Variants in ACSL4 observed in about 807,000 individuals in gnomAD.
ACSL4 encodes the protein acyl-CoA synthetase long chain family member 4, also known as long-chain-fatty-acid--CoA ligase 4.
In ACSL4, 9 loss-of-function variants were observed where a neutral mutation model predicts 49.1. The ratio of observed to expected loss-of-function variants is 0.18; its 90% CI spans 0.11 to 0.32. The LOEUF (loss-of-function observed/expected upper bound fraction) is 0.32, where lower values mean the gene tolerates loss of function less well. Among genes scored for constraint, ACSL4 ranks in the 10% least tolerant of loss-of-function variants. ACSL4 has a pLI of 1.00. For missense variants in ACSL4, 333 were observed against 493.7 expected (o/e 0.67, Z 3.08); for synonymous variants, 191 against 170.3 (o/e 1.12, Z -0.95).
At chrX:109,727,931 T>G (rs1029236428) in intron 1 of ACSL4, among the ~76,000 whole-genome samples, 23 of 112,140 alleles carry the variant, frequency 2.1e-4, no homozygotes, top group Admixed American at 2.8e-4. Flanking sequence ...ACAGGCAGTA[T>G]TTTGCCAGCC....
At chrX:109,700,527 ACT>A (rs1477489171) in intron 1 of ACSL4, among the ~76,000 whole-genome samples, 2 of 103,846 alleles carry the variant, frequency 1.9e-5, no homozygotes, top group Non-Finnish European at 3.9e-5. Context: ...ACAGAGTGAG[ACT>A]CTGTCTCATA....
Position 109,643,857 on chromosome X carries a change from AAGTT to A in ACSL4, c.*168_*171del. ...AGCTGCACTAGAACTATGCAAAACT[AAGTT>A]AAAGTAAACCGGACAACAATTTTAA... On this transcript the variant is annotated 3_prime_UTR_variant, in exon 16 of 16. Transcript: ENST00000672401. 1 of 543,256 alleles carries A rather than the reference AAGTT, an allele frequency of 1.8e-6. No homozygotes were observed. 44.8% of individuals were successfully genotyped at this position (543,256 alleles called of 1,213,427 possible). A position where few individuals can be genotyped will look rare whatever the true frequency, so the allele number is the denominator to read the frequency against.
chrX:109,719,689 TA>T (rs1214137485), intron 1 of ACSL4, among the ~76,000 whole-genome samples: 1 of 112,224 alleles, frequency 8.9e-6, no homozygotes, highest in East Asian at 2.8e-4. Flanking sequence ...ATGTTTCCTT[TA>T]AAAAGCTACT....
intron 15 of ACSL4, among the ~76,000 whole-genome samples, chrX:109,650,941 TTACTA>T (rs1331347016): frequency 8.9e-6 from 1 of 112,109 alleles, no homozygotes; most frequent in East Asian, 2.8e-4. Context: ...TTTATAAACT[TTACTA>T]TATATTCAAA....
At chrX:109,648,407 G>A (rs2147359158) in intron 15 of ACSL4, among the ~76,000 whole-genome samples, 1 of 111,869 alleles carries the variant, frequency 8.9e-6, no homozygotes, top group Admixed American at 9.5e-5. Context: ...TATATAAACA[G>A]AACCAAAGAC....
intron 9 of ACSL4, among the ~76,000 whole-genome samples, chrX:109,671,097 T>C (rs1248266512): frequency 9.2e-6 from 1 of 108,875 alleles, no homozygotes; most frequent in Non-Finnish European, 1.9e-5. Flanking sequence ...TCGTCTGGGA[T>C]GTGAGGAGCC....
intron 1 of ACSL4, among the ~76,000 whole-genome samples, chrX:109,727,079 AT>A (rs1291059758): frequency 1.8e-5 from 2 of 111,218 alleles, no homozygotes; most frequent in Admixed American, 9.6e-5. Context: ...TTTAAAATAT[AT>A]ACTTAGATTT....
Position 109,728,306 on chromosome X carries a change from T to G in ACSL4, c.-66+4833A>C, listed in dbSNP as rs376014591. ...TGAGTAGAAAAGTCTGCTAAATACA[T>G]GGTCATGAATCATAACTTCACTACT... On this transcript the variant is annotated intron_variant, in intron 1 of 15. Coordinates refer to ENST00000672401, the MANE Select transcript of ACSL4 (RefSeq NM_001318510.2). Among the ~76,000 whole-genome samples the G allele has an allele frequency of 3.6e-5, 4 of 112,457 alleles. No homozygotes were observed. In the East Asian group the frequency reaches 8.3e-4, roughly 23 times the overall value.
At chrX:109,725,778 A>G (rs1360066679) in intron 1 of ACSL4, among the ~76,000 whole-genome samples, 1 of 111,708 alleles carries the variant, frequency 9.0e-6, no homozygotes, top group African/African-American at 3.3e-5. Flanking sequence ...AAACTCTTTT[A>G]GATTTTTATA....
At chrX:109,702,730 T>C (rs767085003) in intron 1 of ACSL4, among the ~76,000 whole-genome samples, 1 of 111,770 alleles carries the variant, frequency 8.9e-6, no homozygotes. Flanking sequence ...AATGGAGACA[T>C]GTGAAAAGGA....
intron 2 of ACSL4, among the ~76,000 whole-genome samples, chrX:109,684,527 T>C (rs1924434098): frequency 8.9e-6 from 1 of 112,424 alleles, no homozygotes; most frequent in Non-Finnish European, 1.9e-5. Context: ...AAACAGGGTT[T>C]GGGGATGTCC....
At chrX:109,677,847 C>T (rs1211420387) in intron 8 of ACSL4, 141 bp downstream of exon 8, 4 of 765,109 alleles carry the variant, frequency 5.2e-6, no homozygotes, top group South Asian at 2.2e-5. Flanking sequence ...TCTCCTATAG[C>T]TACATATTGT....
chrX:109,732,988 G>A (rs751535663), intron 1 of ACSL4, 151 bp downstream of exon 1: 5 of 327,425 alleles, frequency 1.5e-5, no homozygotes, highest in African/African-American at 1.1e-4. Flanking sequence ...CTGGCTCAAG[G>A]AAAAAAGCGA....
Position 109,649,862 on chromosome X carries a change from T to G in ACSL4, c.1856-5676A>C, listed in dbSNP as rs1470566255. ...ACAAACAACCCCATCAAAAAGTGGG[T>G]GAAGGACATGAACAGACACTTCTCA... On this transcript the variant is annotated intron_variant, in intron 15 of 15. Coordinates refer to ENST00000672401, the MANE Select transcript of ACSL4 (RefSeq NM_001318510.2). 5.7e-5 allele frequency among the ~76,000 whole-genome samples: 6 copies of G among 105,684 alleles called. 1 individual carries two copies. Among genetic ancestry groups the G allele is most frequent in the African/African-American group, 1.7e-4 (5 of 28,838 alleles). The allele number at this position is 105,684 out of a possible 115,157, so 91.8% of individuals were successfully genotyped here.
intron 2 of ACSL4, 26 bp from the exon 3 acceptor site, chrX:109,683,401 G>C (rs1924340713): frequency 8.3e-7 from 1 of 1,209,540 alleles, no homozygotes; most frequent in African/African-American, 1.7e-5. Context: ...AAAATACCAT[G>C]GAATAAATAT....
intron 1 of ACSL4, among the ~76,000 whole-genome samples, chrX:109,707,688 TG>T (rs1926458405): frequency 9.1e-6 from 1 of 110,328 alleles, no homozygotes. Context: ...GTCATCATGG[TG>T]GTATGGATAA....
In ACSL4 at chrX:109,643,731, A is replaced by C. The variant is rs1603397278; in HGVS notation, c.*298T>G. ...TCCAATTTATTTTGTTCAACATTAA[A>C]TATTTTTCTTTACAAAAACAAGTAT... On this transcript the variant is annotated 3_prime_UTR_variant, in exon 16 of 16. Transcript: ENST00000672401. 1 of 240,134 alleles carries C rather than the reference A, an allele frequency of 4.2e-6. No homozygotes were observed. Among genetic ancestry groups the C allele is most frequent in the South Asian group, 7.5e-5 (1 of 13,258 alleles). The allele number at this position is 240,134 out of a possible 1,213,427, so 19.8% of individuals were successfully genotyped here.
chrX:109,723,895 T>C (rs1487245447), intron 1 of ACSL4, among the ~76,000 whole-genome samples: 2 of 112,513 alleles, frequency 1.8e-5, no homozygotes. Flanking sequence ...CCAATCTGTC[T>C]GGTGAAAAAC....
chrX:109,719,153 T>C (rs1290142433), intron 1 of ACSL4, among the ~76,000 whole-genome samples: 1 of 112,382 alleles, frequency 8.9e-6, no homozygotes, highest in Non-Finnish European at 1.9e-5. Context: ...AAAGATCAGC[T>C]CTGTAAAACG....
Sources: gnomAD v4.1 joint callset for allele counts (sites outside exome capture counted in the v4.1 genomes callset) on GRCh38, gnomAD v4.1.1 for gene constraint, MANE v1.5 for transcripts, NCBI Gene and HGNC (gene_info 2026-07-23, HGNC 2026-07-21) for gene names.